CAMTA1: variants seen among roughly 807,000 people sequenced by gnomAD.
The protein encoded by CAMTA1 is calmodulin binding transcription activator 1.
Under a neutral mutation model 170.9 loss-of-function variants are expected in CAMTA1, and 27 were observed. The ratio of observed to expected loss-of-function variants is 0.16; its 90% CI spans 0.12 to 0.22. The LOEUF is 0.22. Among genes scored for constraint, CAMTA1 ranks in the 10% least tolerant of loss-of-function variants. The pLI is 1.00. For synonymous variants in CAMTA1, 833 were observed against 891.5 expected, an observed-to-expected ratio of 0.93 and a Z score of 1.17; for missense variants, 1,619 against 2,217.2, an observed-to-expected ratio of 0.73 and a Z score of 5.42.
At position 7,413,550 on chromosome 1, in the gene CAMTA1, C is replaced by T. The variant is rs989023393; in HGVS notation, c.439-54280C>T. ...ATGGGAGTTCATTCATGATTTGGCT[C>T]TCTGTTTGTCTGTTATTGGTGTATA... On this transcript the variant is annotated intron_variant, in intron 5 of 22. Transcript: ENST00000303635. Among the ~76,000 whole-genome samples the T allele has an allele frequency of 3.9e-5, 6 of 152,082 alleles. No individual in the cohort carries two copies. In the East Asian group the frequency reaches 5.8e-4, roughly 15 times the overall value.
At chr1:7,447,252 G>A (rs11801913) in intron 5 of CAMTA1, among the ~76,000 whole-genome samples, 8,358 of 152,066 alleles carry the variant, frequency 0.055, 782 homozygotes, top group African/African-American at 0.19. Flanking sequence ...CCATCTGGAG[G>A]GAGAGAGTAG....
intron 5 of CAMTA1, among the ~76,000 whole-genome samples, chr1:7,272,326 A>G (rs1355073748): frequency 2.0e-5 from 3 of 152,146 alleles, no homozygotes; most frequent in African/African-American, 7.2e-5. Flanking sequence ...GTACTCCCCA[A>G]ATTGATCTAC....
At chr1:7,174,916 C>T (rs535682425) in intron 4 of CAMTA1, among the ~76,000 whole-genome samples, 1 of 152,328 alleles carries the variant, frequency 6.6e-6, no homozygotes, top group East Asian at 1.9e-4. Flanking sequence ...ATTGGCCTGA[C>T]ATCCGGATGT....
Position 7,021,858 on chromosome 1 carries a change from G to A in CAMTA1, c.235-69446G>A, listed in dbSNP as rs572265258. 1.8e-4 allele frequency among the ~76,000 whole-genome samples: 28 copies of A among 152,278 alleles called. 1 individual carries two copies. In the South Asian group the frequency reaches 3.3e-3, roughly 18 times the overall value. ...GAGGGAGACAGAGACCCAGCAGGGG[G>A]CATTTCTTTCTGGGGTTTGAGCACT... On this transcript the variant is annotated intron_variant, in intron 3 of 22. Coordinates refer to ENST00000303635, the MANE Select transcript of CAMTA1 (RefSeq NM_015215.4).
chr1:7,671,189 T>TA, intron 10 of CAMTA1, 152 bp downstream of exon 10: 1 of 822,556 alleles, frequency 1.2e-6, no homozygotes, highest in Non-Finnish European at 1.9e-6. Flanking sequence ...CCCGATAGTC[T>TA]ATTAGAACGT....
intron 3 of CAMTA1, among the ~76,000 whole-genome samples, chr1:6,976,677 C>A (rs549287459): frequency 6.6e-6 from 1 of 152,048 alleles, no homozygotes; most frequent in Non-Finnish European, 1.5e-5. Flanking sequence ...CCAAGCTCTC[C>A]GTGAAGGATG....
chr1:7,116,345 T>A (rs1644326935), intron 4 of CAMTA1, among the ~76,000 whole-genome samples: 1 of 152,218 alleles, frequency 6.6e-6, no homozygotes, highest in Non-Finnish European at 1.5e-5. Flanking sequence ...TACCAATCTT[T>A]CGAGGCAGGG....
At chr1:7,104,216 CACACA>C (rs1427593283) in intron 4 of CAMTA1, among the ~76,000 whole-genome samples, 13 of 150,774 alleles carry the variant, frequency 8.6e-5, no homozygotes, top group Admixed American at 4.0e-4. Flanking sequence ...CACACATGTA[CACACA>C]ACACAACTAC....
chr1:7,722,273 A>G (rs3124807), intron 11 of CAMTA1, among the ~76,000 whole-genome samples: 151,821 of 152,362 alleles, frequency 1, 75,642 homozygotes, highest in East Asian at 1. Flanking sequence ...AAACATTTAA[A>G]TGAATATTAA....
At chr1:7,349,173 A>T (rs1415979062) in intron 5 of CAMTA1, among the ~76,000 whole-genome samples, 2 of 152,236 alleles carry the variant, frequency 1.3e-5, no homozygotes, top group Non-Finnish European at 2.9e-5. Context: ...AGCACAGAAT[A>T]GTGATAATTA....
intron 6 of CAMTA1, among the ~76,000 whole-genome samples, chr1:7,640,064 T>A (rs1022381277): frequency 6.6e-6 from 1 of 152,138 alleles, no homozygotes; most frequent in Non-Finnish European, 1.5e-5. Context: ...TACACACATA[T>A]CAGCTTATGT....
chr1:7,261,020 G>A (rs1245824273), intron 5 of CAMTA1, among the ~76,000 whole-genome samples: 1 of 152,180 alleles, frequency 6.6e-6, no homozygotes, highest in African/African-American at 2.4e-5. Flanking sequence ...TGGTGATAAG[G>A]AAATCAAAGA....
chr1:7,411,396 G>A (rs2090732565), intron 5 of CAMTA1, among the ~76,000 whole-genome samples: 2 of 152,002 alleles, frequency 1.3e-5, no homozygotes, highest in Admixed American at 6.5e-5. Context: ...AAGATTAGCC[G>A]GGCGTGGTGA....
chr1:7,083,496 G>A (rs1640305576), intron 3 of CAMTA1, among the ~76,000 whole-genome samples: 1 of 152,206 alleles, frequency 6.6e-6, no homozygotes, highest in Non-Finnish European at 1.5e-5. Context: ...GGGTGCTTGG[G>A]AAGTACATCA....
intron 6 of CAMTA1, among the ~76,000 whole-genome samples, chr1:7,507,156 T>A (rs1461944288): frequency 3.3e-5 from 5 of 149,736 alleles, no homozygotes; most frequent in Non-Finnish European, 7.4e-5. Context: ...ACTCCCACAC[T>A]CACACAACAC....
At chr1:7,148,325 C>A (rs543716766) in intron 4 of CAMTA1, among the ~76,000 whole-genome samples, 241 of 151,916 alleles carry the variant, frequency 1.6e-3, no homozygotes, top group Non-Finnish European at 2.7e-3. Context: ...ATGCCCCCCA[C>A]ACACACACCA....
intron 4 of CAMTA1, among the ~76,000 whole-genome samples, chr1:7,124,853 AAGATTTTAAGCACT>A (rs1326613311): frequency 6.6e-6 from 1 of 152,212 alleles, no homozygotes; most frequent in Admixed American, 6.5e-5. Context: ...TTAAAGAACA[AAGATTTTAAGCACT>A]AGATAAATAC....
rs1252649549 is a variant in CAMTA1, at chr1:7,533,112, G to A, written c.510+65211G>A. Among the ~76,000 whole-genome samples, 4 of 152,212 alleles carry A rather than the reference G, an allele frequency of 2.6e-5. No individual in the cohort carries two copies. In the East Asian group the frequency reaches 7.7e-4, roughly 29 times the overall value. On this transcript the variant is annotated intron_variant, in intron 6 of 22. Transcript: ENST00000303635. ...ATTCCTCCAGCGCTGTGGTGCCCGGGTGCTGGGCAGCAGTGGGGATGTGCC... is the reference window on the plus strand; with the variant it reads ...ATTCCTCCAGCGCTGTGGTGCCCGGATGCTGGGCAGCAGTGGGGATGTGCC...
intron 5 of CAMTA1, among the ~76,000 whole-genome samples, chr1:7,347,524 C>T (rs2084314189): frequency 6.6e-6 from 1 of 152,244 alleles, no homozygotes; most frequent in South Asian, 2.1e-4. Context: ...GGAGCTAAGC[C>T]TTCCTTGGGT....
Sources: gnomAD v4.1 joint callset for allele counts (sites outside exome capture counted in the v4.1 genomes callset) on GRCh38, gnomAD v4.1.1 for gene constraint, MANE v1.5 for transcripts, NCBI Gene and HGNC (gene_info 2026-07-23, HGNC 2026-07-21) for gene names.